MECOM: variants seen among roughly 807,000 people sequenced by gnomAD.
MECOM encodes the protein histone-lysine N-methyltransferase MECOM.
In MECOM, 13 loss-of-function variants were observed where a neutral mutation model predicts 116.3. The observed-to-expected ratio is 0.11, with a 90% CI of 0.07 to 0.18. MECOM has a LOEUF of 0.18. Among genes scored for constraint, MECOM ranks in the 10% least tolerant of loss-of-function variants. The pLI is 1.00. For missense variants in MECOM, 1,299 were observed against 1,509.0 expected (o/e 0.86, Z 2.31); for synonymous variants, 528 against 535.2 (o/e 0.99, Z 0.19).
intron 1 of MECOM, among the ~76,000 whole-genome samples, chr3:169,590,986 AT>A (rs1251590828): frequency 6.6e-6 from 1 of 152,236 alleles, no homozygotes; most frequent in South Asian, 2.1e-4. Flanking sequence ...CTGCTTTAGA[AT>A]TGATGGAGAT....
At chr3:169,655,678 C>T (rs1378872378) in intron 1 of MECOM, among the ~76,000 whole-genome samples, 2 of 152,134 alleles carry the variant, frequency 1.3e-5, no homozygotes, top group African/African-American at 2.4e-5. Flanking sequence ...GATATGACTT[C>T]CCTTCATTCT....
chr3:169,495,169 T>G (rs1753660240), intron 1 of MECOM, among the ~76,000 whole-genome samples: 1 of 152,204 alleles, frequency 6.6e-6, no homozygotes, highest in Non-Finnish European at 1.5e-5. Flanking sequence ...TCATTTTCAT[T>G]GCTCTCCCCT....
intron 2 of MECOM, among the ~76,000 whole-genome samples, chr3:169,212,797 G>A (rs1365151797): frequency 1.3e-5 from 2 of 150,458 alleles, no homozygotes; most frequent in African/African-American, 4.9e-5. Context: ...CCTTCCTTAT[G>A]TTATCCAAAT....
chr3:169,323,540 A>G (rs1346134787), intron 2 of MECOM, among the ~76,000 whole-genome samples: 3 of 152,296 alleles, frequency 2.0e-5, no homozygotes, highest in African/African-American at 7.2e-5. Context: ...GTATGTCAAG[A>G]TCTCAATATT....
intron 1 of MECOM, among the ~76,000 whole-genome samples, chr3:169,506,303 T>A (rs1755208807): frequency 6.6e-6 from 1 of 152,122 alleles, no homozygotes; most frequent in South Asian, 2.1e-4. Context: ...ACCAAGGAAA[T>A]GACTATTTGA....
chr3:169,460,814 C>T (rs1747316682), intron 1 of MECOM, among the ~76,000 whole-genome samples: 2 of 152,040 alleles, frequency 1.3e-5, no homozygotes, highest in African/African-American at 4.8e-5. Flanking sequence ...AGTGTGATAG[C>T]AAAGCATGGT....
intron 2 of MECOM, among the ~76,000 whole-genome samples, chr3:169,366,148 T>A (rs943067917): frequency 6.6e-6 from 1 of 151,956 alleles, no homozygotes; most frequent in Non-Finnish European, 1.5e-5. Flanking sequence ...GGAATGACCT[T>A]CAGATTTATC....
intron 8 of MECOM, among the ~76,000 whole-genome samples, chr3:169,114,163 T>C (rs1335169081): frequency 6.6e-6 from 1 of 151,996 alleles, no homozygotes; most frequent in Non-Finnish European, 1.5e-5. Flanking sequence ...ATGTGTGACA[T>C]ACAATCTACA....
At chr3:169,592,075 C>T (rs1160573439) in intron 1 of MECOM, among the ~76,000 whole-genome samples, 1 of 152,100 alleles carries the variant, frequency 6.6e-6, no homozygotes, top group Non-Finnish European at 1.5e-5. Context: ...TTGTTCTACC[C>T]CCGACCAGCA....
chr3:169,459,630 G>A (rs146934162), intron 1 of MECOM, among the ~76,000 whole-genome samples: 7 of 152,284 alleles, frequency 4.6e-5, no homozygotes, highest in African/African-American at 1.4e-4. Context: ...TGTTTATATA[G>A]AAGTAGATGC....
intron 1 of MECOM, among the ~76,000 whole-genome samples, chr3:169,608,890 A>AT (rs1052655495): frequency 6.6e-6 from 1 of 152,132 alleles, no homozygotes; most frequent in Non-Finnish European, 1.5e-5. Context: ...TGAGTAATAG[A>AT]TTTTTTTAGC....
At chr3:169,612,923 T>C (rs991496109) in intron 1 of MECOM, among the ~76,000 whole-genome samples, 7 of 152,284 alleles carry the variant, frequency 4.6e-5, no homozygotes, top group South Asian at 2.1e-4. Context: ...ATCATCAAAA[T>C]GCTCTGCAAG....
At chr3:169,412,363 G>A (rs1022619538) in intron 1 of MECOM, among the ~76,000 whole-genome samples, 1 of 151,542 alleles carries the variant, frequency 6.6e-6, no homozygotes, top group South Asian at 2.1e-4. Context: ...AATTTATTTG[G>A]GTTATTTTTA....
chr3:169,593,536 T>G (rs915143590), intron 1 of MECOM, among the ~76,000 whole-genome samples: 1 of 152,198 alleles, frequency 6.6e-6, no homozygotes, highest in Non-Finnish European at 1.5e-5. Flanking sequence ...TCAGTGTTAT[T>G]GATAAAAATT....
chr3:169,378,461 GC>G (rs1731594827), intron 2 of MECOM, among the ~76,000 whole-genome samples: 4 of 47,708 alleles, frequency 8.4e-5, no homozygotes, highest in East Asian at 1.0e-3. Flanking sequence ...AGGAAAGCAA[GC>G]AAGCAAGCAA....
chr3:169,142,310 AATT>A (rs1738351803), intron 3 of MECOM, among the ~76,000 whole-genome samples: 1 of 151,878 alleles, frequency 6.6e-6, no homozygotes, highest in African/African-American at 2.4e-5. Context: ...AACAGCAAAC[AATT>A]ATTATGATAT....
intron 1 of MECOM, among the ~76,000 whole-genome samples, chr3:169,383,351 C>T (rs1732791568): frequency 6.6e-6 from 1 of 152,118 alleles, no homozygotes; most frequent in South Asian, 2.1e-4. Context: ...TTCAGCATGT[C>T]CAAAATATTG....
At chr3:169,514,323 C>G (rs1168483371) in intron 1 of MECOM, among the ~76,000 whole-genome samples, 1 of 151,420 alleles carries the variant, frequency 6.6e-6, no homozygotes, top group African/African-American at 2.4e-5. Context: ...GAGAGAGAGA[C>G]ATCGTTTTAC....
intron 1 of MECOM, among the ~76,000 whole-genome samples, chr3:169,620,303 C>G (rs983550355): frequency 2.6e-5 from 4 of 152,212 alleles, no homozygotes; most frequent in African/African-American, 9.6e-5. Context: ...TCTGCTTCCT[C>G]TCTGTTAATG....
Sources: gnomAD v4.1 joint callset for allele counts (sites outside exome capture counted in the v4.1 genomes callset) on GRCh38, gnomAD v4.1.1 for gene constraint, MANE v1.5 for transcripts, NCBI Gene and HGNC (gene_info 2026-07-23, HGNC 2026-07-21) for gene names.